DPP10: variants seen among roughly 807,000 people sequenced by gnomAD.
The protein encoded by DPP10 is inactive dipeptidyl peptidase 10.
In DPP10, 33 loss-of-function variants were observed where a neutral mutation model predicts 120.9. The ratio of observed to expected loss-of-function variants is 0.27; its 90% CI spans 0.21 to 0.37. The LOEUF (loss-of-function observed/expected upper bound fraction) is 0.37, where lower values mean the gene tolerates loss of function less well. DPP10 is among the 10% of genes least tolerant of loss of function. The pLI, the probability that DPP10 is intolerant of heterozygous loss-of-function variation, is 1.00. For synonymous variants in DPP10, 337 were observed against 326.1 expected (o/e 1.03, Z -0.36); for missense variants, 816 against 942.8 (o/e 0.87, Z 1.76).
At chr2:115,252,748 A>T (rs2058808435) in intron 1 of DPP10, among the ~76,000 whole-genome samples, 1 of 152,176 alleles carries the variant, frequency 6.6e-6, no homozygotes, top group African/African-American at 2.4e-5. Flanking sequence ...ATTTGCTTAA[A>T]TTCTTCAAAT....
Position 114,571,148 on chromosome 2 carries a change from G to A in DPP10, c.60+128310G>A, listed in dbSNP as rs148815523. On this transcript the variant is annotated intron_variant, in intron 1 of 25. Coordinates refer to ENST00000410059, the MANE Select transcript of DPP10 (RefSeq NM_020868.6). ...CCCCACCCAAATCTCATGTTGAAGT[G>A]TAATCTCCAGTGCTGGAGACGGGGC... 3.3e-5 allele frequency among the ~76,000 whole-genome samples: 5 copies of A among 152,228 alleles called. No individual in the cohort carries two copies. In the East Asian group the frequency reaches 7.8e-4, roughly 24 times the overall value.
chr2:115,622,478 G>A (rs951628535), intron 5 of DPP10, among the ~76,000 whole-genome samples: 3 of 145,362 alleles, frequency 2.1e-5, no homozygotes, highest in Admixed American at 6.9e-5. Context: ...TGCCATCCAC[G>A]CAAAAGGTTT....
intron 3 of DPP10, among the ~76,000 whole-genome samples, chr2:115,481,884 A>T (rs1432649071): frequency 6.6e-6 from 1 of 152,096 alleles, no homozygotes; most frequent in Admixed American, 6.6e-5. Flanking sequence ...CTATTTGTAG[A>T]GCCCTATATT....
intron 1 of DPP10, among the ~76,000 whole-genome samples, chr2:114,924,866 A>G (rs1695485556): frequency 6.6e-6 from 1 of 152,232 alleles, no homozygotes; most frequent in African/African-American, 2.4e-5. Flanking sequence ...TAATCATATG[A>G]TTCAAAAGAG....
chr2:115,167,700 A>G lies in DPP10; in HGVS notation c.61-141539A>G, dbSNP rs187773062. 3.1e-3 allele frequency among the ~76,000 whole-genome samples: 475 copies of G among 152,006 alleles called. 5 individuals are homozygous for G. Among genetic ancestry groups the G allele is most frequent in the South Asian group, 5.4e-3 (26 of 4,816 alleles). ...GACAACCATATTTTGCAGTGCACAT[A>G]TTAGTATGATTACACATGAGTTTTT... On this transcript the variant is annotated intron_variant, in intron 1 of 25. Coordinates refer to ENST00000410059, the MANE Select transcript of DPP10 (RefSeq NM_020868.6).
chr2:115,157,830 C>T (rs954200530), intron 1 of DPP10, among the ~76,000 whole-genome samples: 1 of 152,154 alleles, frequency 6.6e-6, no homozygotes, highest in Admixed American at 6.5e-5. Context: ...TGATGCTGTG[C>T]TCATTATAGA....
intron 1 of DPP10, among the ~76,000 whole-genome samples, chr2:114,922,835 G>C (rs766751560): frequency 2.0e-5 from 3 of 152,100 alleles, no homozygotes; most frequent in Admixed American, 6.5e-5. Flanking sequence ...GGCTACTATG[G>C]CTAATGTTGC....
At chr2:115,229,508 A>T (rs752724748) in intron 1 of DPP10, among the ~76,000 whole-genome samples, 3 of 152,154 alleles carry the variant, frequency 2.0e-5, no homozygotes, top group African/African-American at 7.2e-5. Flanking sequence ...CAGTAGTTTC[A>T]TAGTTTGAGG....
chr2:114,490,666 G>C (rs1431248317), intron 1 of DPP10, among the ~76,000 whole-genome samples: 1 of 152,090 alleles, frequency 6.6e-6, no homozygotes, highest in Non-Finnish European at 1.5e-5. Flanking sequence ...GAGAAGGTGA[G>C]GAGAAACAAT....
chr2:115,830,464 A>G lies in DPP10; in HGVS notation c.1951-5693A>G, dbSNP rs185695661. On this transcript the variant is annotated intron_variant, in intron 21 of 25. Coordinates refer to ENST00000410059, the MANE Select transcript of DPP10 (RefSeq NM_020868.6). ...ATCACTGTGATTACCAGGCCAAAAA[A>G]AGATTAATTCATCCAACAAACATTA... Among the ~76,000 whole-genome samples the G allele has an allele frequency of 2.1e-4, 32 of 152,284 alleles. No individual in the cohort carries two copies. In the East Asian group the frequency reaches 6.0e-3, roughly 29 times the overall value.
At chr2:114,792,569 C>T (rs1401756) in intron 1 of DPP10, among the ~76,000 whole-genome samples, 76,009 of 152,036 alleles carry the variant, frequency 0.5, 20,036 homozygotes, top group East Asian at 0.79. Context: ...GAGATAGTCC[C>T]CATTTTTCTC....
intron 4 of DPP10, among the ~76,000 whole-genome samples, chr2:115,514,230 A>G (rs781511532): frequency 7.9e-5 from 12 of 151,828 alleles, no homozygotes; most frequent in Non-Finnish European, 1.6e-4. Context: ...TGATCTATCT[A>G]TGTGTGGATC....
chr2:114,510,629 AC>A (rs1235979646), intron 1 of DPP10, among the ~76,000 whole-genome samples: 1 of 152,078 alleles, frequency 6.6e-6, no homozygotes, highest in Non-Finnish European at 1.5e-5. Context: ...AAAACAAAAA[AC>A]AAACAAAAAT....
chr2:115,383,465 T>G (rs537698424), intron 3 of DPP10, among the ~76,000 whole-genome samples: 1 of 152,330 alleles, frequency 6.6e-6, no homozygotes, highest in African/African-American at 2.4e-5. Flanking sequence ...TGGGTATGCC[T>G]TTATCAGCAG....
intron 1 of DPP10, among the ~76,000 whole-genome samples, chr2:114,826,043 A>T (rs191331508): frequency 3.9e-5 from 6 of 152,390 alleles, no homozygotes; most frequent in Admixed American, 3.9e-4. Flanking sequence ...TCAAAGGCAG[A>T]TAGCAAAGCA....
chr2:115,097,663 A>G (rs557732504), intron 1 of DPP10, among the ~76,000 whole-genome samples: 32 of 152,304 alleles, frequency 2.1e-4, no homozygotes, highest in African/African-American at 7.7e-4. Context: ...GGGCTTCAAC[A>G]CTTCTTAAAA....
At chr2:115,264,135 GAC>G (rs1346659392) in intron 1 of DPP10, among the ~76,000 whole-genome samples, 1 of 152,138 alleles carries the variant, frequency 6.6e-6, no homozygotes, top group East Asian at 1.9e-4. Flanking sequence ...AGGTATCTGT[GAC>G]ATATTTTTTA....
At chr2:114,449,188 C>A (rs62172125) in intron 1 of DPP10, among the ~76,000 whole-genome samples, 14,891 of 152,016 alleles carry the variant, frequency 0.098, 976 homozygotes, top group East Asian at 0.33. Flanking sequence ...AATTGGCAAA[C>A]AATGGTAGGG....
intron 1 of DPP10, among the ~76,000 whole-genome samples, chr2:114,921,002 T>C (rs1323102126): frequency 6.6e-6 from 1 of 152,178 alleles, no homozygotes; most frequent in Non-Finnish European, 1.5e-5. Context: ...ATTTATCTGC[T>C]TGAGAATGAA....
Sources: allele counts gnomAD v4.1 joint callset (sites outside exome capture counted in the v4.1 genomes callset), GRCh38; gene constraint gnomAD v4.1.1; transcripts MANE v1.5; gene names NCBI Gene and HGNC (gene_info 2026-07-23, HGNC 2026-07-21).